Variants in NEXMIF observed in about 807,000 individuals in gnomAD.
NEXMIF encodes the protein neurite extension and migration factor.
NEXMIF carries 8 observed loss-of-function variants against 62.1 expected under a neutral mutation model. The ratio of observed to expected loss-of-function variants is 0.13; its 90% CI spans 0.08 to 0.23. NEXMIF has a LOEUF of 0.23. NEXMIF is among the 10% of genes least tolerant of loss of function. NEXMIF has a pLI of 1.00. For synonymous variants in NEXMIF, 404 were observed against 416.6 expected (o/e 0.97, Z 0.37); for missense variants, 976 against 1,113.3 (o/e 0.88, Z 1.75).
intron 1 of NEXMIF, among the ~76,000 whole-genome samples, chrX:74,830,493 T>C (rs2080432580): frequency 8.9e-6 from 1 of 111,905 alleles, no homozygotes; most frequent in African/African-American, 3.2e-5. Flanking sequence ...ATGTGATTCC[T>C]TCAGTTTTGT....
rs1329721085 is a variant in NEXMIF at position 74,825,789 on chromosome X, G to A, written c.-47-80092C>T. Among the ~76,000 whole-genome samples, 3 of 112,237 alleles carry A rather than the reference G, an allele frequency of 2.7e-5. No individual in the cohort carries two copies. The Admixed American group carries it at 2.8e-4, about 11-fold the overall frequency. On this transcript the variant is annotated intron_variant, in intron 1 of 3. Transcript: ENST00000055682. ...AGGCTGGTTTTGAACACCTGACCTC[G>A]TGATCCACCAGCCTTGGCCTCCCAA...
At chrX:74,862,789 C>T (rs991624734) in intron 1 of NEXMIF, among the ~76,000 whole-genome samples, 22 of 111,384 alleles carry the variant, frequency 2.0e-4, no homozygotes, top group Admixed American at 5.8e-4. Context: ...TTGAAACCAA[C>T]GAGAACAAAC....
intron 1 of NEXMIF, among the ~76,000 whole-genome samples, chrX:74,846,117 C>T (rs1245801957): frequency 1.8e-5 from 2 of 112,825 alleles, no homozygotes; most frequent in Non-Finnish European, 3.8e-5. Flanking sequence ...GGTTCTTCTC[C>T]CAGCCACCCT....
chrX:74,886,537 A>C (rs188475962), intron 1 of NEXMIF, among the ~76,000 whole-genome samples: 1,388 of 111,567 alleles, frequency 0.012, 21 homozygotes, highest in African/African-American at 0.042. Context: ...CATGAGTGAA[A>C]TCCCATTCAC....
At chrX:74,903,880 CGTGTGTGTGTGTGTGTGTGTGT>C (rs3222701) in intron 1 of NEXMIF, among the ~76,000 whole-genome samples, 5 of 94,209 alleles carry the variant, frequency 5.3e-5, no homozygotes, top group East Asian at 3.2e-4. Context: ...CAATTCTAAT[CGTGTGTGTGTGTGTGTGTGTGT>C]GTGTGTGTGT....
chrX:74,859,317 C>T (rs1310738258), intron 1 of NEXMIF, among the ~76,000 whole-genome samples: 3 of 111,822 alleles, frequency 2.7e-5, no homozygotes, highest in Non-Finnish European at 5.6e-5. Flanking sequence ...GCAGACTTTT[C>T]GGTAGAAACC....
chrX:74,853,502 C>A (rs1351228189), intron 1 of NEXMIF, among the ~76,000 whole-genome samples: 1 of 109,215 alleles, frequency 9.2e-6, no homozygotes, highest in Non-Finnish European at 1.9e-5. Context: ...ATGTACCTGG[C>A]TTCCAGGTAC....
intron 1 of NEXMIF, among the ~76,000 whole-genome samples, chrX:74,799,545 A>G (rs1380035965): frequency 8.9e-6 from 1 of 112,613 alleles, no homozygotes; most frequent in African/African-American, 3.2e-5. Flanking sequence ...GCATGCATGC[A>G]CATATACACA....
rs2080115947 is a variant in NEXMIF, at chrX:74,743,687, ATCT to A, written c.867_869del (p.Glu289del). 4 of 1,210,035 alleles carry A rather than the reference ATCT, an allele frequency of 3.3e-6. No individual in the cohort carries two copies. Among genetic ancestry groups the A allele is most frequent in the Non-Finnish European group, 4.5e-6 (4 of 895,102 alleles). ...CATCATCAAACATGTAGTTATCCACATCTTCTTCAGAGAATAGGTTGACAGACA... is the reference window on the plus strand; with the variant it reads ...CATCATCAAACATGTAGTTATCCACATCTTCAGAGAATAGGTTGACAGACA... On this transcript the variant is annotated inframe_deletion, in exon 3 of 4. Coordinates refer to ENST00000055682, the MANE Select transcript of NEXMIF (RefSeq NM_001008537.3).
rs1227281896 is a variant in NEXMIF, at chrX:74,867,753, G to A, written c.-48+57130C>T. ...AGATTTAATGACAAAGACATCAAAA[G>A]CAATGGCAACAAAAGTAAAAATTGA... is the stretch of plus-strand genomic sequence containing the variant. On this transcript the variant is annotated intron_variant, in intron 1 of 3. Coordinates refer to ENST00000055682, the MANE Select transcript of NEXMIF (RefSeq NM_001008537.3). Among the ~76,000 whole-genome samples, 3 of 112,213 alleles carry A rather than the reference G, an allele frequency of 2.7e-5. No homozygotes were observed. The Admixed American group carries it at 2.8e-4, about 11-fold the overall frequency.
intron 1 of NEXMIF, among the ~76,000 whole-genome samples, chrX:74,888,298 TAAAC>T (rs757004953): frequency 1.0e-4 from 10 of 99,486 alleles, no homozygotes; most frequent in South Asian, 4.4e-4. Context: ...ATAATAATAA[TAAAC>T]AAACAAACAA....
intron 1 of NEXMIF, among the ~76,000 whole-genome samples, chrX:74,911,375 A>AC (rs1458489771): frequency 2.7e-5 from 3 of 111,766 alleles, no homozygotes; most frequent in Non-Finnish European, 5.7e-5. Context: ...AGCTGAGATC[A>AC]TGCCACTACA....
chrX:74,778,798 A>C (rs948133821), intron 1 of NEXMIF, among the ~76,000 whole-genome samples: 5 of 111,668 alleles, frequency 4.5e-5, no homozygotes, highest in South Asian at 7.5e-4. Context: ...TTACAGGTGC[A>C]TGCCACCACA....
intron 1 of NEXMIF, among the ~76,000 whole-genome samples, chrX:74,750,093 G>C (rs191730318): frequency 5.4e-5 from 6 of 111,346 alleles, no homozygotes; most frequent in South Asian, 7.7e-4. Context: ...AGAGACAGAG[G>C]GGGGGAAGAT....
chrX:74,734,522 C>A lies in NEXMIF; in HGVS notation c.*4883G>T, dbSNP rs979916748. ...GCAGAATGATTTCAATATCTCTTTT[C>A]TTCTTTTTGAAATGGGATGTCATTC... On this transcript the variant is annotated 3_prime_UTR_variant, in exon 4 of 4. Coordinates refer to ENST00000055682, the MANE Select transcript of NEXMIF (RefSeq NM_001008537.3). 1 of 112,121 alleles carries A rather than the reference C, an allele frequency of 8.9e-6. No homozygotes were observed. Among genetic ancestry groups the A allele is most frequent in the Non-Finnish European group, 1.9e-5 (1 of 53,145 alleles). The allele number at this position is 112,121 out of a possible 1,213,427, so 9.2% of individuals were successfully genotyped here. A position where few individuals can be genotyped will look rare whatever the true frequency, so the allele number is the denominator to read the frequency against.
chrX:74,800,423 T>C (rs958658290), intron 1 of NEXMIF, among the ~76,000 whole-genome samples: 5 of 111,703 alleles, frequency 4.5e-5, no homozygotes, highest in Non-Finnish European at 7.5e-5. Context: ...TATTTTTATT[T>C]ACTTTAAAAA....
chrX:74,793,729 T>C (rs1192349821), intron 1 of NEXMIF, among the ~76,000 whole-genome samples: 1 of 95,313 alleles, frequency 1.0e-5, no homozygotes, highest in African/African-American at 3.8e-5. Context: ...ATTCATTTCA[T>C]CTTCCATTGC....
intron 1 of NEXMIF, among the ~76,000 whole-genome samples, chrX:74,794,069 C>T (rs1266608108): frequency 1.0e-5 from 1 of 95,265 alleles, no homozygotes; most frequent in African/African-American, 3.7e-5. Context: ...TTAGAGTTTC[C>T]AGTTTTTCTG....
At position 74,743,495 on chromosome X, in the gene NEXMIF, G is replaced by T. The variant is rs756923541; in HGVS notation, c.1062C>A (p.Ala354=). ...TCPKRESKSG[A]LKQSSDFSQF... is the part of the protein sequence containing the mutation. ...GGGAAAAATCACTGCTCTGCTTCAG[G>T]GCCCCACTCTTAGACTCTCGCTTGG... is the stretch of plus-strand genomic sequence containing the variant. The change falls in exon 3 of 4, where the codon GCC becomes GCA. Residue 354 remains alanine (A), a synonymous_variant. Transcript: ENST00000055682. 1.7e-6 allele frequency: 2 copies of T among 1,211,392 alleles called. No individual in the cohort carries two copies. The highest frequency in any genetic ancestry group is 2.2e-6 in the Non-Finnish European group (2 of 895,453).
Sources: allele counts gnomAD v4.1 joint callset (sites outside exome capture counted in the v4.1 genomes callset), GRCh38; gene constraint gnomAD v4.1.1; transcripts MANE v1.5; gene names NCBI Gene and HGNC (gene_info 2026-07-23, HGNC 2026-07-21).